Variants in ATP7B observed in about 807,000 individuals in gnomAD.
ATP7B encodes the protein ATPase copper transporting beta.
In ATP7B, 113 loss-of-function variants were observed where a neutral mutation model predicts 118.9. The observed-to-expected ratio is 0.95, with a 90% CI of 0.82 to 1.11. ATP7B has a LOEUF of 1.11. Ranked by LOEUF, ATP7B falls within the 50% of genes most tolerant of loss-of-function variation. ATP7B has a pLI of 0.00. For missense variants in ATP7B, 1,867 were observed against 1,871.4 expected, an observed-to-expected ratio of 1.00 and a Z score of 0.04; for synonymous variants, 777 against 727.4, an observed-to-expected ratio of 1.07 and a Z score of -1.10.
At chr13:52,009,362 C>G (rs926500753) in intron 1 of ATP7B, among the ~76,000 whole-genome samples, 1 of 152,188 alleles carries the variant, frequency 6.6e-6, no homozygotes, top group Non-Finnish European at 1.5e-5. Flanking sequence ...TTGGCACCTT[C>G]AAGGTCTGAA....
chr13:51,972,517 T>C (rs796162464), intron 2 of ATP7B, among the ~76,000 whole-genome samples: 8 of 152,232 alleles, frequency 5.3e-5, no homozygotes, highest in African/African-American at 1.9e-4. Context: ...CTTTCCTCCA[T>C]GGCCCTCCCC....
At chr13:52,009,662 G>C (rs138650501) in intron 1 of ATP7B, among the ~76,000 whole-genome samples, 1 of 152,092 alleles carries the variant, frequency 6.6e-6, no homozygotes, top group East Asian at 1.9e-4. Context: ...TTTCAGTGAC[G>C]CTTCACGGGG....
chr13:51,935,000 T>A lies in ATP7B; in HGVS notation c.4154A>T (p.Glu1385Val). The change falls in exon 21 of 21, where the codon GAG becomes GTG. Residue 1385 changes from glutamate to valine, a missense_variant. By Grantham distance (121) the Glu-to-Val change is moderately radical. Coordinates refer to ENST00000242839, the MANE Select transcript of ATP7B (RefSeq NM_000053.4). ...CTTCATGTGGCCATGCGCCTGTGCC[T>A]CATACCTCTCCAGGTCAGGCTTCTT... ...CYKKPDLERY[E>V]AQAHGHMKPL... 1 of 1,613,928 alleles carries A rather than the reference T, an allele frequency of 6.2e-7. No individual in the cohort carries two copies. The highest frequency in any genetic ancestry group is 8.5e-7 in the Non-Finnish European group (1 of 1,180,016).
intron 1 of ATP7B, among the ~76,000 whole-genome samples, chr13:51,985,371 C>T (rs949597216): frequency 1.3e-5 from 2 of 152,302 alleles, no homozygotes; most frequent in Non-Finnish European, 2.9e-5. Flanking sequence ...AGCTAACTAT[C>T]CTAAATATAT....
At chr13:51,970,420 G>C (rs770243005) in intron 3 of ATP7B, 72 bp downstream of exon 3, 554 of 1,595,358 alleles carry the variant, frequency 3.5e-4, no homozygotes, top group Non-Finnish European at 4.4e-4. Context: ...CACAGTTGCT[G>C]GGTATTCTGA....
intron 9 of ATP7B, among the ~76,000 whole-genome samples, chr13:51,951,566 A>T (rs1341733242): frequency 1.3e-5 from 2 of 152,158 alleles, no homozygotes; most frequent in Non-Finnish European, 2.9e-5. Context: ...AGATCATATA[A>T]GCGCCCCTAG....
chr13:52,008,868 G>A (rs1593885638), intron 1 of ATP7B, among the ~76,000 whole-genome samples: 1 of 136,268 alleles, frequency 7.3e-6, no homozygotes, highest in East Asian at 2.3e-4. Flanking sequence ...CCCTTATTCT[G>A]CTTTCTTTTC....
chr13:51,959,954 T>TGGG (rs1255716222), intron 7 of ATP7B, 194 bp downstream of exon 7: 7 of 670,064 alleles, frequency 1.0e-5, no homozygotes, highest in East Asian at 8.3e-5. Context: ...TCCCCCACAC[T>TGGG]GGGGGGGCCC....
At chr13:51,937,154 A>G in intron 19 of ATP7B, 122 bp downstream of exon 19, 2 of 836,146 alleles carry the variant, frequency 2.4e-6, no homozygotes, top group Admixed American at 2.4e-5. Flanking sequence ...AAAAAAAAAA[A>G]CAGCCTTTCT....
intron 6 of ATP7B, among the ~76,000 whole-genome samples, chr13:51,961,326 T>G (rs956497888): frequency 3.3e-5 from 5 of 151,838 alleles, no homozygotes; most frequent in Non-Finnish European, 7.4e-5. Flanking sequence ...TGGTGCTGAA[T>G]GAGTAACTGG....
rs1954012861 is a variant in ATP7B at position 52,011,155 on chromosome 13, C to T, written c.51+132G>A. 1.3e-5 allele frequency: 17 copies of T among 1,339,642 alleles called. 1 individual carries two copies. Among genetic ancestry groups the T allele is most frequent in the South Asian group, 4.7e-5 (4 of 85,462 alleles). 83.0% of individuals were successfully genotyped at this position (1,339,642 alleles called of 1,614,324 possible). On this transcript the variant is annotated intron_variant, in intron 1 of 20. Coordinates refer to ENST00000242839, the MANE Select transcript of ATP7B (RefSeq NM_000053.4). ...AGGGTCCTTTTCTCCCACGCCAAGA[C>T]ATCCCTGGAGCTGGGGTCTGGCTCG... is the stretch of plus-strand genomic sequence containing the variant.
intron 12 of ATP7B, chr13:51,947,873 G>A (rs565109555): frequency 8.5e-5 from 13 of 152,248 alleles, no homozygotes; most frequent in African/African-American, 3.1e-4. Flanking sequence ...CATCCTCCCT[G>A]ATATTGCAGA....
At chr13:52,012,086 C>G, upstream of ATP7B, 2 of 506,842 alleles carry the variant, frequency 3.9e-6, no homozygotes, top group Non-Finnish European at 7.2e-6. Flanking sequence ...GGCTTTGGGC[C>G]GGGAACGGGG....
At chr13:51,998,327 G>T (rs1358808038) in intron 1 of ATP7B, among the ~76,000 whole-genome samples, 9 of 152,014 alleles carry the variant, frequency 5.9e-5, no homozygotes. Flanking sequence ...GGAACACAAG[G>T]ATCTCATATC....
chr13:51,990,452 A>T (rs961723327), intron 1 of ATP7B, among the ~76,000 whole-genome samples: 30 of 152,328 alleles, frequency 2.0e-4, no homozygotes, highest in Non-Finnish European at 1.0e-4. Context: ...ATTTACATGT[A>T]TTGACGTGGA....
intron 2 of ATP7B, 125 bp from the exon 3 acceptor site, chr13:51,970,874 T>C (rs908273098): frequency 2.8e-5 from 21 of 750,698 alleles, no homozygotes; most frequent in Non-Finnish European, 4.0e-5. Flanking sequence ...CCTCAGCCCC[T>C]GGGCTCCAGT....
At chr13:52,010,631 C>A (rs1953977505) in intron 1 of ATP7B, among the ~76,000 whole-genome samples, 1 of 152,184 alleles carries the variant, frequency 6.6e-6, no homozygotes, top group South Asian at 2.1e-4. Flanking sequence ...AATTTTAACA[C>A]CTCATACAAA....
At position 51,939,185 on chromosome 13, in the gene ATP7B, A is replaced by G; in HGVS notation, c.3565T>C (p.Cys1189Arg). 4 of 1,613,538 alleles carry G rather than the reference A, an allele frequency of 2.5e-6. No individual in the cohort carries two copies. Among genetic ancestry groups the G allele is most frequent in the Non-Finnish European group, 3.4e-6 (4 of 1,180,032 alleles). The part of the protein sequence containing the change: ...AILVAIDGVL[C>R]GMIAIADAVK... The stretch of plus-strand genomic sequence containing the variant: ...GCGTCTGCGATTGCGATCATCCCAC[A>G]GAGCACACCTGGAGCGAACCAGCCA... Residue 1189 changes from cysteine to arginine, a missense_variant, in exon 17 of 21, where the codon TGT becomes CGT. Transcript: ENST00000242839.
rs373145351 is a variant in ATP7B, at chr13:51,961,870, G to A, written c.1913C>T (p.Ala638Val). ...HASLAQRNPN[A>V]HHLDHKMEIK... ...TTCCATCTTGTGGTCCAAGTGATGA[G>A]CGTTGGGGTTTCTCTGGGCCAGGGA... The change falls in exon 6 of 21, where the codon GCT becomes GTT. Residue 638 changes from alanine (A) to valine (V), a missense_variant. Ala to Val is a moderately conservative substitution (Grantham distance 64). Coordinates refer to ENST00000242839, the MANE Select transcript of ATP7B (RefSeq NM_000053.4). 2 of 1,614,078 alleles carry A rather than the reference G, an allele frequency of 1.2e-6. No individual in the cohort carries two copies. The highest frequency in any genetic ancestry group is 2.7e-5 in the African/African-American group (2 of 75,024).
Sources: allele counts gnomAD v4.1 joint callset (sites outside exome capture counted in the v4.1 genomes callset), GRCh38; gene constraint gnomAD v4.1.1; transcripts MANE v1.5; gene names NCBI Gene and HGNC (gene_info 2026-07-23, HGNC 2026-07-21).